PRPF40B: variants seen among roughly 807,000 people sequenced by gnomAD.
PRPF40B encodes pre-mRNA processing factor 40B.
PRPF40B carries 56 observed loss-of-function variants against 124.5 expected under a neutral mutation model. The ratio of observed to expected loss-of-function variants is 0.45; its 90% CI spans 0.36 to 0.56. The LOEUF (loss-of-function observed/expected upper bound fraction) is 0.56, where lower values mean the gene tolerates loss of function less well. PRPF40B is among the 20% of genes least tolerant of loss of function. PRPF40B has a pLI of 0.00. For synonymous variants in PRPF40B, 443 were observed against 426.4 expected (o/e 1.04, Z -0.48); for missense variants, 1,053 against 1,169.5 (o/e 0.90, Z 1.45).
rs1318596585 is a variant in PRPF40B at position 49,635,403 on chromosome 12, C to T, written c.1205C>T (p.Ala402Val). 4 of 1,614,040 alleles carry T rather than the reference C, an allele frequency of 2.5e-6. No individual in the cohort carries two copies. The Admixed American group carries it at 6.7e-5, about 27-fold the overall frequency. ...EQTFGELEVW[A>V]VVPERDRKEV... ...ACCTTTGGGGAGCTGGAGGTCTGGG[C>T]TGTGGTCCCTGAGAGGGATCGAAAA... Residue 402 changes from alanine to valine, a missense_variant, in exon 14 of 26, where the codon GCT becomes GTT. Ala to Val is a moderately conservative substitution (Grantham distance 64). Around this residue, in one of 2 missense-constraint regions of PRPF40B, gnomAD observed 895 missense variants for 1,052.2 expected, o/e 0.85. Transcript: ENST00000548825. The surrounding 1 kb of genome is among the most constrained non-coding windows in gnomAD (Gnocchi z 4.1).
Position 49,635,451 on chromosome 12 carries a change from TC to T in PRPF40B, c.1254del (p.Phe419SerfsTer21). 1.2e-6 allele frequency: 2 copies of T among 1,613,818 alleles called. No homozygotes were observed. The highest frequency in any genetic ancestry group is 1.7e-6 in the Non-Finnish European group (2 of 1,179,898). ...AAAGAGGTTTATGATGATGTCCTCTTCTTCCTGGCCAAGAAGGAGAAGGTAA... is the reference window on the plus strand; with the variant it reads ...AAAGAGGTTTATGATGATGTCCTCTTTTCCTGGCCAAGAAGGAGAAGGTAA... ...DRKEVYDDVL[F>X]FLAKKEKEQA... is the part of the protein sequence containing the mutation. On this transcript the variant is annotated frameshift_variant, in exon 14 of 26. Coordinates refer to ENST00000548825, the MANE Select transcript of PRPF40B (RefSeq NM_001031698.3). LOFTEE classifies it high-confidence loss of function. The surrounding 1 kb of genome is among the most constrained non-coding windows in gnomAD (Gnocchi z 4.1).
At chr12:49,624,108 C>T in intron 1 of PRPF40B, 8 of 986,522 alleles carry the variant, frequency 8.1e-6, no homozygotes, top group Non-Finnish European at 8.4e-6. Context: ...GGAGAGGGGG[C>T]CTCTGAAGAA....
In PRPF40B at chr12:49,635,510, A is replaced by C; in HGVS notation, c.1275+37A>C. 5.3e-5 allele frequency: 83 copies of C among 1,562,012 alleles called. No individual in the cohort carries two copies. The highest frequency in any genetic ancestry group is 6.4e-5 in the Non-Finnish European group (73 of 1,146,014). ...TGGGCAGAATCCTTCAGCCCATCTC[A>C]TCCTGGACTTTCCTTGTCTTTGCTT... On this transcript the variant is annotated intron_variant, in intron 14 of 25. Transcript: ENST00000548825. The surrounding 1 kb of genome is among the most constrained non-coding windows in gnomAD (Gnocchi z 4.1).
At chr12:49,643,572 C>G (rs1942952601) in intron 23 of PRPF40B, 119 bp from the exon 24 acceptor site, 3 of 1,373,296 alleles carry the variant, frequency 2.2e-6, no homozygotes, top group Non-Finnish European at 2.0e-6. Flanking sequence ...GAAAACTGGA[C>G]TTAGACTTCC....
Position 49,642,272 on chromosome 12 carries a change from A to G in PRPF40B, c.1922A>G (p.Glu641Gly), listed in dbSNP as rs1326472444. 2.5e-6 allele frequency: 4 copies of G among 1,614,068 alleles called. No individual in the cohort carries two copies. The highest frequency in any genetic ancestry group is 2.5e-6 in the Non-Finnish European group (3 of 1,179,962). ...EKAEARERER[E>G]KEEARRMRRR... Reference sequence around the variant, plus strand: ...GCAGAGGCACGGGAGAGGGAGCGGGAGAAGGAGGAGGCACGCAGGATGCGG... The same window carrying G: ...GCAGAGGCACGGGAGAGGGAGCGGGGGAAGGAGGAGGCACGCAGGATGCGG... The change falls in exon 20 of 26, where the codon GAG (glutamate) becomes GGG (glycine). Residue 641 changes from glutamate to glycine, a missense_variant. This residue lies in a region of PRPF40B where 895 missense variants were observed against 1,052.2 expected (regional missense o/e 0.85). Coordinates refer to ENST00000548825, the MANE Select transcript of PRPF40B (RefSeq NM_001031698.3). This position sits in a 1 kb window ranked among gnomAD's most constrained non-coding sequence, Gnocchi z 5.8.
At chr12:49,632,757 G>A in intron 5 of PRPF40B, 98 bp from the exon 6 acceptor site, 2 of 1,599,674 alleles carry the variant, frequency 1.3e-6, no homozygotes. Flanking sequence ...GATGGGACCA[G>A]GGGACTATTT....
chr12:49,634,077 A>G lies in PRPF40B; in HGVS notation c.797A>G (p.Glu266Gly), dbSNP rs1941503256. The change falls in exon 10 of 26, where the codon GAG (glutamate) becomes GGG (glycine). Residue 266 changes from glutamate to glycine, a missense_variant. Transcript: ENST00000548825. Reference sequence around the variant, plus strand: ...GAACAGGGGTTCCTGCAGCAGCTGGAGGAGGGCCCCAGCAGGTGAGGGCTG... The same window carrying G: ...GAACAGGGGTTCCTGCAGCAGCTGGGGGAGGGCCCCAGCAGGTGAGGGCTG... ...PLEQGFLQQL[E>G]EGPSSSGQHQ... The G allele has an allele frequency of 6.2e-7, 1 of 1,612,776 alleles. No homozygotes were observed.
intron 1 of PRPF40B, among the ~76,000 whole-genome samples, chr12:49,626,124 C>G (rs1565822898): frequency 6.6e-6 from 1 of 152,228 alleles, no homozygotes; most frequent in Non-Finnish European, 1.5e-5. Flanking sequence ...TGCCAAGCTA[C>G]CTCTCTCTGT....
At chr12:49,641,466 A>G (rs895182067) in intron 18 of PRPF40B, 11 of 164,672 alleles carry the variant, frequency 6.7e-5, no homozygotes, top group African/African-American at 2.2e-4. Context: ...CAAGAGGATT[A>G]AATGAGATAA....
upstream of PRPF40B, among the ~76,000 whole-genome samples, chr12:49,623,259 G>A (rs916207085): frequency 1.3e-5 from 2 of 151,834 alleles, no homozygotes; most frequent in Non-Finnish European, 2.9e-5. Context: ...CGGCGACTGC[G>A]AAGCCAGGAC....
chr12:49,636,687 T>G, intron 15 of PRPF40B, 29 bp from the exon 16 acceptor site: 1 of 1,612,846 alleles, frequency 6.2e-7, no homozygotes, highest in African/African-American at 1.3e-5. Flanking sequence ...GCTGGGACAA[T>G]GCCCGCGGAA....
intron 10 of PRPF40B, 62 bp downstream of exon 10, chr12:49,634,154 C>G (rs927446379): frequency 8.2e-6 from 13 of 1,586,188 alleles, no homozygotes; most frequent in Non-Finnish European, 1.1e-5. Context: ...TGGTTCAACC[C>G]TTGTCCTCTG....
chr12:49,625,894 G>A (rs1042750947), intron 1 of PRPF40B, among the ~76,000 whole-genome samples: 20 of 152,188 alleles, frequency 1.3e-4, no homozygotes, highest in Admixed American at 8.5e-4. Flanking sequence ...GACACAACAC[G>A]GGAAGCTCAG....
At chr12:49,644,076 T>A in intron 25 of PRPF40B, 24 bp from the exon 26 acceptor site, 1 of 1,613,902 alleles carries the variant, frequency 6.2e-7, no homozygotes, top group Non-Finnish European at 8.5e-7. Context: ...AGGCTAAGGG[T>A]GAACTGTGCC....
chr12:49,633,828 C>T (rs1005790236), intron 9 of PRPF40B, 58 bp from the exon 10 acceptor site: 3 of 1,609,596 alleles, frequency 1.9e-6, no homozygotes, highest in Non-Finnish European at 2.5e-6. Context: ...CCAGCCAGCC[C>T]CTGAAGTCCT....
chr12:49,623,975 T>G, intron 1 of PRPF40B: 7 of 1,041,914 alleles, frequency 6.7e-6, no homozygotes, highest in Non-Finnish European at 5.8e-6. Flanking sequence ...GGATATTTGG[T>G]GTGCGACATG....
In PRPF40B at chr12:49,630,587, C is replaced by G; in HGVS notation, c.46C>G (p.Pro16Ala). 1 of 1,417,066 alleles carries G rather than the reference C, an allele frequency of 7.1e-7. No individual in the cohort carries two copies. Among genetic ancestry groups the G allele is most frequent in the African/African-American group, 1.4e-5 (1 of 70,954 alleles). The allele number at this position is 1,417,066 out of a possible 1,614,324, so 87.8% of individuals were successfully genotyped here. The change falls in exon 2 of 26, where the codon CCC becomes GCC. Residue 16 changes from proline to alanine, a missense_variant. Physicochemically the swap from Pro to Ala is conservative, Grantham distance 27. Transcript: ENST00000548825. ...SGPRPPAAPAPFPPGPPMMPP... is the reference protein window; with the variant it reads ...SGPRPPAAPAAFPPGPPMMPP... ...TCCCCGGCCCCCAGCAGCGCCTGCC[C>G]CCTTCCCACCGGGGCCCCCCATGAT...
chr12:49,642,368 A>G lies in PRPF40B; in HGVS notation c.2018A>G (p.Glu673Gly). ...VPALELGTAW[E>G]EVRERFVCDS... Reference sequence around the variant, plus strand: ...GCTCTGGAGCTAGGCACTGCCTGGGAAGAGGTCAGGAGCGTAGCCTGGCCC... The same window carrying G: ...GCTCTGGAGCTAGGCACTGCCTGGGGAGAGGTCAGGAGCGTAGCCTGGCCC... The change falls in exon 20 of 26, where the codon GAA becomes GGA. Residue 673 changes from glutamate (E) to glycine (G), a missense_variant. Transcript: ENST00000548825. This position sits in a 1 kb window ranked among gnomAD's most constrained non-coding sequence, Gnocchi z 5.8. The G allele has an allele frequency of 1.2e-5, 19 of 1,613,724 alleles. No homozygotes were observed. The highest frequency in any genetic ancestry group is 1.5e-5 in the Non-Finnish European group (18 of 1,179,992).
In PRPF40B at chr12:49,642,960, C is replaced by G; in HGVS notation, c.2149C>G (p.Arg717Gly). ...ATGCCAGCACCTCCACACCAAAGGCCGAAAGCATGGCAGGAAAGGCAAGAA... is the reference window on the plus strand; with the variant it reads ...ATGCCAGCACCTCCACACCAAAGGCGGAAAGCATGGCAGGAAAGGCAAGAA... Reference protein sequence around the residue: ...TECQHLHTKGRKHGRKGKKHH... With the variant: ...TECQHLHTKGGKHGRKGKKHH... Residue 717 changes from arginine (R) to glycine (G), a missense_variant, in exon 22 of 26, where the codon CGA becomes GGA. By Grantham distance (125) the Arg-to-Gly change is moderately radical (BLOSUM62 -2). Transcript: ENST00000548825. The surrounding 1 kb of genome is among the most constrained non-coding windows in gnomAD (Gnocchi z 5.8). 6.2e-7 allele frequency: 1 copy of G among 1,613,744 alleles called. No homozygotes were observed. Among genetic ancestry groups the G allele is most frequent in the South Asian group, 1.1e-5 (1 of 90,986 alleles).
Sources: allele counts gnomAD v4.1 joint callset (sites outside exome capture counted in the v4.1 genomes callset), GRCh38; gene constraint gnomAD v4.1.1; regional missense constraint gnomAD v4.1.1; non-coding constraint Gnocchi (gnomAD v3.1); transcripts MANE v1.5; gene names NCBI Gene and HGNC (gene_info 2026-07-23, HGNC 2026-07-21).